Variants in TCP1 observed in about 807,000 individuals in gnomAD.
The protein encoded by TCP1 is t-complex 1.
In TCP1, 6 loss-of-function variants were observed where a neutral mutation model predicts 54.7. The observed-to-expected ratio is 0.11, with a 90% confidence interval of 0.06 to 0.22. The LOEUF (loss-of-function observed/expected upper bound fraction) is 0.22. TCP1 is among the 10% of genes least tolerant of loss of function. The probability of loss-of-function intolerance (pLI) is 1.00; values close to 1 mark genes in which losing one functional copy is unlikely to be tolerated. For missense variants in TCP1, 511 were observed against 678.2 expected (o/e 0.75, Z 2.74); for synonymous variants, 225 against 229.7 (o/e 0.98, Z 0.19).
intron 5 of TCP1, 181 bp from the exon 6 acceptor site, chr6:159,785,028 A>C: frequency 3.0e-6 from 2 of 669,914 alleles, no homozygotes; most frequent in South Asian, 3.5e-5. Context: ...ACTTTTAGAC[A>C]TGCTTTTTAT....
intron 4 of TCP1, 180 bp from the exon 5 acceptor site, chr6:159,785,676 C>A (rs943903205): frequency 7.6e-6 from 6 of 792,706 alleles, no homozygotes; most frequent in Middle Eastern, 2.2e-4. Context: ...TAATCTATCC[C>A]ATAAGCATAG....
At chr6:159,783,324 G>A (rs7764326) in intron 7 of TCP1, among the ~76,000 whole-genome samples, 33,037 of 150,050 alleles carry the variant, frequency 0.22, 3,793 homozygotes, top group East Asian at 0.4. Context: ...AAAGATGACA[G>A]CACATTTCTT....
At chr6:159,783,442 C>G (rs975378507) in intron 7 of TCP1, among the ~76,000 whole-genome samples, 1 of 134,226 alleles carries the variant, frequency 7.5e-6, no homozygotes, top group Non-Finnish European at 1.5e-5. Context: ...TGCAGTGGTA[C>G]AATCACAGCT....
chr6:159,781,779 A>G (rs1323149174), intron 7 of TCP1, among the ~76,000 whole-genome samples: 1 of 152,076 alleles, frequency 6.6e-6, no homozygotes, highest in Non-Finnish European at 1.5e-5. Flanking sequence ...TCTCAAAAAC[A>G]AACAAACAAA....
chr6:159,786,035 T>C, intron 3 of TCP1, 38 bp from the exon 4 acceptor site: 2 of 1,523,336 alleles, frequency 1.3e-6, no homozygotes, highest in Non-Finnish European at 1.8e-6. Context: ...GTGTGCCGGA[T>C]ATTCAACATG....
Position 159,779,281 on chromosome 6 carries a change from A to G in TCP1, c.1455-20T>C, listed in dbSNP as rs1372472082. 6.3e-7 allele frequency: 1 copy of G among 1,599,652 alleles called. No individual in the cohort carries two copies. Among genetic ancestry groups the G allele is most frequent in the Non-Finnish European group, 8.6e-7 (1 of 1,168,408 alleles). On this transcript the variant is annotated intron_variant, in intron 11 of 11. Transcript: ENST00000321394. The stretch of plus-strand genomic sequence containing the variant: ...CCAATCCTGCAATTAAGAAAGAATT[A>G]TTTAACGGCCGCTTACAATTTCATT...
intron 6 of TCP1, 94 bp from the exon 7 acceptor site, chr6:159,784,161 G>A (rs1363202098): frequency 7.0e-7 from 1 of 1,419,924 alleles, no homozygotes; most frequent in Non-Finnish European, 9.3e-7. Context: ...CACAAATTTA[G>A]ACTAATTCAT....
intron 1 of TCP1, chr6:159,789,148 C>G (rs533790113): frequency 4.2e-6 from 2 of 475,476 alleles, no homozygotes; most frequent in African/African-American, 4.1e-5. Flanking sequence ...GCGTTTCCAA[C>G]GCCGCCCCGG....
Position 159,780,426 on chromosome 6 carries a change from T to C in TCP1, c.1097+17A>G, listed in dbSNP as rs755188683. 3.7e-6 allele frequency: 6 copies of C among 1,613,286 alleles called. No homozygotes were observed. The highest frequency in any genetic ancestry group is 2.7e-5 in the African/African-American group (2 of 74,836). On this transcript the variant is annotated intron_variant, in intron 9 of 11. Transcript: ENST00000321394. ...CAAAATCGGTATAACTTTACAATTT[T>C]AGAAAGTGGCTCTTACTTTTTGATT... is the stretch of plus-strand genomic sequence containing the variant.
At chr6:159,787,934 A>C (rs1307526828) in intron 2 of TCP1, 63 bp from the exon 3 acceptor site, 1 of 1,608,664 alleles carries the variant, frequency 6.2e-7, no homozygotes, top group Admixed American at 1.7e-5. Flanking sequence ...CCATTATAAT[A>C]CACGTTCACC....
chr6:159,785,692 A>G lies in TCP1; in HGVS notation c.378-196T>C, dbSNP rs556590615. 8 of 792,872 alleles carry G rather than the reference A, an allele frequency of 1.0e-5. No individual in the cohort carries two copies. In the South Asian group the frequency reaches 1.1e-4, roughly 11 times the overall value. 49.1% of individuals were successfully genotyped at this position (792,872 alleles called of 1,614,324 possible). On this transcript the variant is annotated intron_variant, in intron 4 of 11. Transcript: ENST00000321394. ...AATCTATCCCATAAGCATAGCCACT[A>G]AAATCTATTATTAGGAGAAAATGTG...
chr6:159,788,293 T>TA (rs1780747303), intron 1 of TCP1, 150 bp from the exon 2 acceptor site: 2 of 687,296 alleles, frequency 2.9e-6, no homozygotes, highest in Admixed American at 5.3e-5. Flanking sequence ...AACCACCTAC[T>TA]AAGAGTGTAA....
intron 10 of TCP1, 26 bp from the exon 11 acceptor site, chr6:159,779,816 C>T (rs765809095): frequency 2.5e-6 from 4 of 1,585,200 alleles, no homozygotes; most frequent in Non-Finnish European, 3.4e-6. Context: ...AATTAGGTGA[C>T]TTCACAAAAG....
intron 1 of TCP1, 33 bp downstream of exon 1, chr6:159,789,372 C>A: frequency 1.2e-6 from 2 of 1,612,614 alleles, no homozygotes; most frequent in Non-Finnish European, 1.7e-6. Context: ...CCTCCCCGGC[C>A]GCAAACCCGA....
At chr6:159,786,019 G>A (rs2114996404) in intron 3 of TCP1, 22 bp from the exon 4 acceptor site, 1 of 1,576,940 alleles carries the variant, frequency 6.3e-7, no homozygotes, top group Non-Finnish European at 8.7e-7. Context: ...ACATTCACTG[G>A]TCTGAGTGTG....
intron 3 of TCP1, among the ~76,000 whole-genome samples, chr6:159,786,325 T>A (rs754161386): frequency 1.3e-5 from 2 of 152,198 alleles, no homozygotes; most frequent in South Asian, 2.1e-4. Context: ...TCAGTTTCCA[T>A]GAAGCCACTG....
At position 159,784,080 on chromosome 6, in the gene TCP1, A is replaced by T. The variant is rs200608053; in HGVS notation, c.671-13T>A. 1 of 1,611,272 alleles carries T rather than the reference A, an allele frequency of 6.2e-7. No individual in the cohort carries two copies. The highest frequency in any genetic ancestry group is 1.1e-5 in the South Asian group (1 of 90,482). On this transcript the variant is annotated splice_polypyrimidine_tract_variant and intron_variant, in intron 6 of 11. Transcript: ENST00000321394. ...CTCTTGGGCATGCCTACAATTGAACATAAGATTAAGTTAATACGTCTATCC... is the reference window on the plus strand; with the variant it reads ...CTCTTGGGCATGCCTACAATTGAACTTAAGATTAAGTTAATACGTCTATCC...
At position 159,780,516 on chromosome 6, in the gene TCP1, C is replaced by T. The variant is rs760642541; in HGVS notation, c.1024G>A (p.Ala342Thr). 1 of 1,614,064 alleles carries T rather than the reference C, an allele frequency of 6.2e-7. No individual in the cohort carries two copies. Among genetic ancestry groups the T allele is most frequent in the Non-Finnish European group, 8.5e-7 (1 of 1,179,974 alleles). ...TCTTCTGCCTGTCCCAACATTGCAGCTTCAAAAGTTTCTTCACCTTCCAAA... is the reference window on the plus strand; with the variant it reads ...TCTTCTGCCTGTCCCAACATTGCAGTTTCAAAAGTTTCTTCACCTTCCAAA... ...ANLEGEETFE[A>T]AMLGQAEEVV... Residue 342 changes from alanine to threonine, a missense_variant, in exon 9 of 12, where the codon GCT becomes ACT. Around this residue, in one of 5 missense-constraint regions of TCP1, gnomAD observed 305 missense variants for 352.8 expected, o/e 0.86. Coordinates refer to ENST00000321394, the MANE Select transcript of TCP1 (RefSeq NM_030752.3).
chr6:159,780,912 G>A (rs1324580257), intron 8 of TCP1, 23 bp downstream of exon 8: 1 of 1,567,700 alleles, frequency 6.4e-7, no homozygotes, highest in South Asian at 1.2e-5. Flanking sequence ...AGTATTTTAT[G>A]TGACAGCCAG....
Sources: allele counts gnomAD v4.1 joint callset (sites outside exome capture counted in the v4.1 genomes callset), GRCh38; gene constraint gnomAD v4.1.1; regional missense constraint gnomAD v4.1.1; transcripts MANE v1.5; gene names NCBI Gene and HGNC (gene_info 2026-07-23, HGNC 2026-07-21).